Variants in EPM2A observed in about 807,000 individuals in gnomAD.
The protein encoded by EPM2A is EPM2A glucan phosphatase, laforin.
A neutral mutation model predicts 26.5 loss-of-function variants in EPM2A; 21 were observed. The ratio of observed to expected loss-of-function variants is 0.79; its 90% CI spans 0.56 to 1.14. The LOEUF is 1.14. Ranked by LOEUF, EPM2A falls within the 50% of genes most tolerant of loss-of-function variation. The pLI is 0.00. For missense variants in EPM2A, 458 were observed against 440.8 expected (o/e 1.04, Z -0.35); for synonymous variants, 217 against 177.6 (o/e 1.22, Z -1.76).
At chr6:145,615,405 C>CT (rs1395999895) in intron 2 of EPM2A, among the ~76,000 whole-genome samples, 3 of 152,108 alleles carry the variant, frequency 2.0e-5, no homozygotes, top group Admixed American at 2.0e-4. Flanking sequence ...CATTAAAACC[C>CT]TTTTTCCTGT....
At chr6:145,423,092 C>T (rs1778810668) in intron 4 of EPM2A, among the ~76,000 whole-genome samples, 1 of 152,056 alleles carries the variant, frequency 6.6e-6, no homozygotes, top group Non-Finnish European at 1.5e-5. Flanking sequence ...TACTCTCTGC[C>T]TGCAGACCCT....
chr6:145,549,168 G>A (rs1054099245), intron 2 of EPM2A, among the ~76,000 whole-genome samples: 2 of 152,084 alleles, frequency 1.3e-5, no homozygotes, highest in African/African-American at 4.8e-5. Flanking sequence ...GCCCCAAAAA[G>A]TGATAAAATA....
intron 2 of EPM2A, among the ~76,000 whole-genome samples, chr6:145,619,931 T>C (rs1775596912): frequency 6.6e-6 from 1 of 152,072 alleles, no homozygotes; most frequent in African/African-American, 2.4e-5. Context: ...AATAAAAAAA[T>C]GAACAAATGC....
intron 1 of EPM2A, among the ~76,000 whole-genome samples, chr6:145,731,285 AACC>A (rs1409716728): frequency 3.3e-5 from 5 of 152,146 alleles, no homozygotes; most frequent in Admixed American, 6.5e-5. Flanking sequence ...GTTTTCAATA[AACC>A]TAACAACTTC....
At chr6:145,648,292 G>C (rs535836166) in intron 2 of EPM2A, among the ~76,000 whole-genome samples, 1 of 152,166 alleles carries the variant, frequency 6.6e-6, no homozygotes, top group African/African-American at 2.4e-5. Context: ...GAACCAGAGA[G>C]ATTCATAGCA....
chr6:145,685,769 G>A (rs1284432988), intron 2 of EPM2A, among the ~76,000 whole-genome samples: 1 of 152,040 alleles, frequency 6.6e-6, no homozygotes, highest in African/African-American at 2.4e-5. Flanking sequence ...ACCAATTTTT[G>A]TTTCACTGGT....
chr6:145,652,540 T>A (rs1288744934), intron 2 of EPM2A, among the ~76,000 whole-genome samples: 1 of 152,124 alleles, frequency 6.6e-6, no homozygotes, highest in Non-Finnish European at 1.5e-5. Context: ...ACCACTCAAT[T>A]ATTTTAGAAA....
chr6:145,464,338 C>G (rs1241109248), intron 4 of EPM2A, among the ~76,000 whole-genome samples: 1 of 152,104 alleles, frequency 6.6e-6, no homozygotes, highest in Non-Finnish European at 1.5e-5. Context: ...AAACCTCTTT[C>G]CTTTATAAAT....
intron 2 of EPM2A, among the ~76,000 whole-genome samples, chr6:145,552,507 G>C (rs1780669922): frequency 6.6e-6 from 1 of 151,920 alleles, no homozygotes; most frequent in Non-Finnish European, 1.5e-5. Flanking sequence ...AAAACAAATA[G>C]CAAAGACAGA....
At chr6:145,591,065 AG>A (rs1781267801) in intron 2 of EPM2A, among the ~76,000 whole-genome samples, 1 of 152,188 alleles carries the variant, frequency 6.6e-6, no homozygotes, top group South Asian at 2.1e-4. Flanking sequence ...AAATGCTGGA[AG>A]TAAAAAACAC....
intron 2 of EPM2A, among the ~76,000 whole-genome samples, chr6:145,657,538 T>A (rs1283452848): frequency 6.6e-6 from 1 of 152,214 alleles, no homozygotes; most frequent in Non-Finnish European, 1.5e-5. Flanking sequence ...TTTCTGACCT[T>A]AGTCTTCTTT....
chr6:145,387,082 C>T (rs1411928708), intron 4 of EPM2A, among the ~76,000 whole-genome samples: 1 of 152,074 alleles, frequency 6.6e-6, no homozygotes, highest in Non-Finnish European at 1.5e-5. Context: ...TCTTCTTAAA[C>T]TAGATCTCCA....
At chr6:145,464,633 G>T (rs1211466907) in intron 4 of EPM2A, among the ~76,000 whole-genome samples, 1 of 151,850 alleles carries the variant, frequency 6.6e-6, no homozygotes, top group Non-Finnish European at 1.5e-5. Flanking sequence ...ATAATTTATG[G>T]TCCCTATGAA....
intron 2 of EPM2A, among the ~76,000 whole-genome samples, chr6:145,584,498 C>T (rs1582875506): frequency 6.6e-6 from 1 of 152,230 alleles, no homozygotes; most frequent in East Asian, 1.9e-4. Context: ...GGATGGGCAT[C>T]GCTGGCCATG....
rs555089796 is a variant in EPM2A, at chr6:145,465,446, G to A, written c.555+37076C>T. Among the ~76,000 whole-genome samples, 4 of 152,080 alleles carry A rather than the reference G, an allele frequency of 2.6e-5. No individual in the cohort carries two copies. In the South Asian group the frequency reaches 8.3e-4, roughly 32 times the overall value. ...TCCTGTAGCTCGGTGTAATTTGATT[G>A]TCTGAAGCCTTCTTCTCTCAGCTCG... On this transcript the variant is annotated intron_variant, in intron 4 of 4. Transcript: ENST00000638717.
chr6:145,710,574 G>A (rs1036928511), intron 1 of EPM2A, among the ~76,000 whole-genome samples: 2 of 152,092 alleles, frequency 1.3e-5, no homozygotes, highest in Non-Finnish European at 2.9e-5. Flanking sequence ...GATTCCTCAG[G>A]GATCTAGAAC....
At chr6:145,593,467 C>A (rs1420879855) in intron 2 of EPM2A, among the ~76,000 whole-genome samples, 1 of 152,068 alleles carries the variant, frequency 6.6e-6, no homozygotes, top group Non-Finnish European at 1.5e-5. Flanking sequence ...CATTCAACAG[C>A]CACATTATAC....
At position 145,567,348 on chromosome 6, in the gene EPM2A, C is replaced by T. The variant is rs1175779164; in HGVS notation, c.341-64773G>A. On this transcript the variant is annotated intron_variant, in intron 2 of 3. Coordinates refer to the EPM2A transcript ENST00000450221. ...ACTGTCTTAGCTGGGATAATGAACA[C>T]TAGCTACTGCCACACACAAGCCTCA... Among the ~76,000 whole-genome samples, 6 of 152,342 alleles carry T rather than the reference C, an allele frequency of 3.9e-5. 1 individual carries two copies. In the East Asian group the frequency reaches 7.7e-4, roughly 20 times the overall value.
At position 145,602,520 on chromosome 6, in the gene EPM2A, G is replaced by T. The variant is rs548732044; in HGVS notation, c.340+32725C>A. On this transcript the variant is annotated intron_variant, in intron 2 of 3. Transcript: ENST00000450221. ...TGCCCCTACAAGACATATTCATATT[G>T]TATGGCCTCTGGCCCTGCAGCTTTG... Among the ~76,000 whole-genome samples the T allele has an allele frequency of 1.1e-4, 16 of 152,250 alleles. 1 individual carries two copies. Among genetic ancestry groups the T allele is most frequent in the African/African-American group, 3.6e-4 (15 of 41,548 alleles).
Sources: allele counts gnomAD v4.1 joint callset (sites outside exome capture counted in the v4.1 genomes callset), GRCh38; gene constraint gnomAD v4.1.1; transcripts MANE v1.5; gene names NCBI Gene and HGNC (gene_info 2026-07-23, HGNC 2026-07-21).